The following TPRX1 variants were observed in gnomAD, a reference collection of about 807,000 sequenced individuals.
The protein encoded by TPRX1 is tetrapeptide repeat homeobox 1.
TPRX1 carries 2 observed loss-of-function variants against 8.1 expected under a neutral mutation model. That is an observed-to-expected ratio of 0.25 (90% CI 0.10 to 0.78). The LOEUF (loss-of-function observed/expected upper bound fraction) is 0.78. Among genes scored for constraint, TPRX1 ranks in the 30% least tolerant of loss-of-function variants. The pLI, the probability that TPRX1 is intolerant of heterozygous loss-of-function variation, is 0.70. For synonymous variants in TPRX1, 257 were observed against 254.1 expected, an observed-to-expected ratio of 1.01 and a Z score of -0.11; for missense variants, 517 against 586.9, an observed-to-expected ratio of 0.88 and a Z score of 1.23.
chr19:47,816,407 T>C (rs183108914), intron 2 of TPRX1, among the ~76,000 whole-genome samples: 1 of 150,844 alleles, frequency 6.6e-6, no homozygotes, highest in African/African-American at 2.4e-5. Flanking sequence ...TTTGGCCTCC[T>C]TCCCCTCCTA....
intron 2 of TPRX1, among the ~76,000 whole-genome samples, chr19:47,806,106 C>T (rs1967732856): frequency 6.6e-6 from 1 of 152,162 alleles, no homozygotes; most frequent in Non-Finnish European, 1.5e-5. Flanking sequence ...ACCTGAATTT[C>T]AGCTACTTGG....
chr19:47,817,908 C>G (rs999057831), intron 2 of TPRX1, among the ~76,000 whole-genome samples: 3 of 152,240 alleles, frequency 2.0e-5, no homozygotes, highest in Non-Finnish European at 4.4e-5. Flanking sequence ...CTCTCTCTGC[C>G]GCATCCGTAG....
rs778459955 is a variant in TPRX1 at position 47,802,064 on chromosome 19, G to C, written c.1238C>G (p.Ser413Ter). ...TGGGCCTGGGATTGGAGCTGGGACTGAGCCTGAGCCTGGGCCTGAGCCTGG... is the reference window on the plus strand; with the variant it reads ...TGGGCCTGGGATTGGAGCTGGGACTCAGCCTGAGCCTGGGCCTGAGCCTGG... Residue 413 changes from serine to a stop codon, truncating the protein, a stop_gained, in exon 4 of 4, where the codon TCA becomes TGA. Coordinates refer to ENST00000535759, the Ensembl canonical transcript of TPRX1. LOFTEE classifies it low-confidence loss of function (END_TRUNC). The C allele has an allele frequency of 3.1e-6, 5 of 1,601,620 alleles. No individual in the cohort carries two copies. The South Asian group carries it at 5.7e-5, about 18-fold the overall frequency.
chr19:47,816,988 A>G (rs1967849841), intron 2 of TPRX1, among the ~76,000 whole-genome samples: 1 of 152,214 alleles, frequency 6.6e-6, no homozygotes. Context: ...ATGATCTCAA[A>G]TGGTGGAACA....
At chr19:47,817,492 T>C (rs2123722504) in intron 2 of TPRX1, among the ~76,000 whole-genome samples, 1 of 152,224 alleles carries the variant, frequency 6.6e-6, no homozygotes, top group Non-Finnish European at 1.5e-5. Context: ...CCCACGGAGC[T>C]CAGAGGTCCC....
At chr19:47,809,777 T>C (rs1271298675) in intron 2 of TPRX1, among the ~76,000 whole-genome samples, 1 of 152,056 alleles carries the variant, frequency 6.6e-6, no homozygotes, top group East Asian at 1.9e-4. Flanking sequence ...GAAGTCCCCA[T>C]GCCTTTTCTC....
chr19:47,808,421 C>T (rs1459371020), intron 2 of TPRX1, among the ~76,000 whole-genome samples: 1 of 145,268 alleles, frequency 6.9e-6, no homozygotes. Flanking sequence ...GGCCAATTTT[C>T]TTATTTTATT....
At chr19:47,804,983 G>A (rs1426292720) in intron 2 of TPRX1, among the ~76,000 whole-genome samples, 1 of 152,176 alleles carries the variant, frequency 6.6e-6, no homozygotes, top group Non-Finnish European at 1.5e-5. Context: ...TGGCTCCTGG[G>A]CTGCCTGCCT....
Position 47,802,616 on chromosome 19 carries a change from GGGATCGGGCTT to G in TPRX1, c.675_685del (p.Ile228AsnfsTer246). 6.4e-7 allele frequency: 1 copy of G among 1,551,372 alleles called. No individual in the cohort carries two copies. ...TGAAATTGGGCCTGGGATTGGGGCT[GGGATCGGGCTT>G]GGGATCTGAGCTGGGCCTGGAATTG... On this transcript the variant is annotated frameshift_variant, in exon 4 of 4. Transcript: ENST00000535759. LOFTEE classifies it low-confidence loss of function (END_TRUNC).
At chr19:47,812,692 C>T (rs556090949) in intron 2 of TPRX1, among the ~76,000 whole-genome samples, 1 of 151,508 alleles carries the variant, frequency 6.6e-6, no homozygotes, top group African/African-American at 2.4e-5. Context: ...CAAGATCACA[C>T]TGAGACAGAA....
At chr19:47,810,333 C>T (rs1599954194) in intron 2 of TPRX1, among the ~76,000 whole-genome samples, 1 of 144,622 alleles carries the variant, frequency 6.9e-6, no homozygotes, top group African/African-American at 2.5e-5. Flanking sequence ...TGGCTCTCTC[C>T]TTATCCATCA....
At chr19:47,811,889 G>T (rs139297171) in intron 2 of TPRX1, among the ~76,000 whole-genome samples, 4,028 of 151,194 alleles carry the variant, frequency 0.027, 187 homozygotes, top group African/African-American at 0.09. Context: ...TTTTTGAGAC[G>T]GAGTTTCGCT....
Position 47,803,495 on chromosome 19 carries a change from G to C in TPRX1, c.321+9C>G. 1 of 1,485,866 alleles carries C rather than the reference G, an allele frequency of 6.7e-7. No individual in the cohort carries two copies. The highest frequency in any genetic ancestry group is 2.4e-5 in the East Asian group (1 of 42,072). The allele number at this position is 1,485,866 out of a possible 1,614,324, so 92.0% of individuals were successfully genotyped here. On this transcript the variant is annotated intron_variant, in intron 3 of 3. Coordinates refer to ENST00000535759, the Ensembl canonical transcript of TPRX1. ...ACTGGGGCGGGCAGGGTGGGGGTGG[G>C]GGTCAGACCTGCAGCTGTTGCTCCC... is the stretch of plus-strand genomic sequence containing the variant.
chr19:47,812,976 ACGCGCC>A (rs1967797092), intron 2 of TPRX1, among the ~76,000 whole-genome samples: 1 of 151,048 alleles, frequency 6.6e-6, no homozygotes, highest in Non-Finnish European at 1.5e-5. Flanking sequence ...GTATGGTGGC[ACGCGCC>A]TGTAATCCTA....
chr19:47,818,873 C>G (rs1967875568), intron 1 of TPRX1: 1 of 273,740 alleles, frequency 3.7e-6, no homozygotes, highest in Admixed American at 4.4e-5. Context: ...AGGTATTTCT[C>G]CTAATGCTAT....
chr19:47,802,832 G>T lies in TPRX1; in HGVS notation c.470C>A (p.Ser157Ter). The stretch of plus-strand genomic sequence containing the variant: ...GGGTTCCGCCGCTGGAAGGATTCCC[G>T]AGGGGCCCCGCTGAGGTGCGGAGGC... The change falls in exon 4 of 4, where the codon TCG (serine) becomes TAG (stop). Residue 157 changes from serine to a stop codon, truncating the protein, a stop_gained. Coordinates refer to ENST00000535759, the Ensembl canonical transcript of TPRX1. LOFTEE classifies it low-confidence loss of function (END_TRUNC). 1 of 1,600,252 alleles carries T rather than the reference G, an allele frequency of 6.2e-7. No homozygotes were observed. The highest frequency in any genetic ancestry group is 8.5e-7 in the Non-Finnish European group (1 of 1,173,784).
At chr19:47,806,257 G>A (rs576032288) in intron 2 of TPRX1, among the ~76,000 whole-genome samples, 1 of 151,586 alleles carries the variant, frequency 6.6e-6, no homozygotes, top group African/African-American at 2.4e-5. Flanking sequence ...GGTGGCTCAC[G>A]CCTGTAATCC....
intron 2 of TPRX1, among the ~76,000 whole-genome samples, chr19:47,806,196 TG>T (rs1243494675): frequency 6.7e-6 from 1 of 148,296 alleles, no homozygotes; most frequent in Non-Finnish European, 1.5e-5. Flanking sequence ...TACTCCAGCC[TG>T]GGCAACAGAG....
chr19:47,804,245 G>A (rs1209722652), intron 2 of TPRX1, among the ~76,000 whole-genome samples: 2 of 151,322 alleles, frequency 1.3e-5, no homozygotes, highest in Admixed American at 6.6e-5. Flanking sequence ...GCTAAAGACG[G>A]GTCTCCACTA....
Sources: allele counts gnomAD v4.1 joint callset (sites outside exome capture counted in the v4.1 genomes callset), GRCh38; gene constraint gnomAD v4.1.1; transcripts MANE v1.5; gene names NCBI Gene and HGNC (gene_info 2026-07-23, HGNC 2026-07-21).